KHDRBS2: variants seen among roughly 807,000 people sequenced by gnomAD.
KHDRBS2 encodes the protein KH domain-containing, RNA-binding, signal transduction-associated protein 2.
KHDRBS2 carries 26 observed loss-of-function variants against 44.3 expected under a neutral mutation model. That is an observed-to-expected ratio of 0.59 (90% CI 0.43 to 0.81). The LOEUF is 0.81. Ranked by LOEUF, KHDRBS2 falls within the 40% of genes least tolerant of loss-of-function variation. KHDRBS2 has a pLI of 0.00. For missense variants in KHDRBS2, 476 were observed against 433.1 expected, an observed-to-expected ratio of 1.10 and a Z score of -0.88; for synonymous variants, 194 against 151.1, an observed-to-expected ratio of 1.28 and a Z score of -2.08.
At chr6:61,655,927 C>T in the KHDRBS2 span, among the ~76,000 whole-genome samples, 2 of 151,938 alleles carry the variant, frequency 1.3e-5, no homozygotes, top group Non-Finnish European at 2.9e-5. Flanking sequence ...ACGCCATTGC[C>T]TCAAAGTATT....
At chr6:62,032,381 C>T (rs1784502872) in intron 3 of KHDRBS2, among the ~76,000 whole-genome samples, 1 of 151,948 alleles carries the variant, frequency 6.6e-6, no homozygotes. Context: ...TTCTCCCATG[C>T]TGGATGCTTC....
At position 62,114,696 on chromosome 6, in the gene KHDRBS2, C is replaced by T. The variant is rs147553347; in HGVS notation, c.219+62489G>A. 2.0e-3 allele frequency among the ~76,000 whole-genome samples: 303 copies of T among 151,306 alleles called. 5 individuals carry two copies. Among genetic ancestry groups the T allele is most frequent in the East Asian group, 0.014 (74 of 5,174 alleles). ...CCAAGTACTTTACATATACTAAATA[C>T]ATTAACATAGTAACAGTTATATTTT... is the stretch of plus-strand genomic sequence containing the variant. On this transcript the variant is annotated intron_variant, in intron 2 of 8. Transcript: ENST00000281156.
the KHDRBS2 span, among the ~76,000 whole-genome samples, chr6:61,641,669 A>G: frequency 6.6e-6 from 1 of 152,166 alleles, no homozygotes; most frequent in Non-Finnish European, 1.5e-5. Flanking sequence ...TCTCTGGTCA[A>G]CCATAAGCTC....
intron 6 of KHDRBS2, among the ~76,000 whole-genome samples, chr6:61,785,122 C>T (rs1783584521): frequency 6.6e-6 from 1 of 151,578 alleles, no homozygotes; most frequent in African/African-American, 2.4e-5. Context: ...TATACTCCAG[C>T]CTGGGCGAGA....
chr6:61,852,612 C>G (rs529780046), intron 6 of KHDRBS2, among the ~76,000 whole-genome samples: 3 of 151,782 alleles, frequency 2.0e-5, no homozygotes, highest in Non-Finnish European at 4.4e-5. Flanking sequence ...CTGCTAATAC[C>G]CACTGTGATT....
chr6:61,586,273 T>C, the KHDRBS2 span, among the ~76,000 whole-genome samples: 4 of 152,188 alleles, frequency 2.6e-5, no homozygotes, highest in Non-Finnish European at 5.9e-5. Context: ...AGCATGTGTC[T>C]CCCGATATGT....
intron 2 of KHDRBS2, among the ~76,000 whole-genome samples, chr6:62,083,131 G>T (rs186408608): frequency 6.6e-6 from 1 of 152,068 alleles, no homozygotes; most frequent in Admixed American, 6.6e-5. Flanking sequence ...GGCCTGCCCT[G>T]CCCCCGATTC....
At chr6:61,790,762 A>AT (rs1191255777) in intron 6 of KHDRBS2, among the ~76,000 whole-genome samples, 4 of 151,522 alleles carry the variant, frequency 2.6e-5, no homozygotes, top group African/African-American at 9.7e-5. Flanking sequence ...TTGACATCCA[A>AT]TTTATGTAGC....
the KHDRBS2 span, among the ~76,000 whole-genome samples, chr6:61,546,381 C>T: frequency 1.3e-5 from 2 of 152,034 alleles, no homozygotes; most frequent in Admixed American, 6.6e-5. Context: ...GCATTAGGCT[C>T]ACCTGAGATT....
intron 6 of KHDRBS2, among the ~76,000 whole-genome samples, chr6:61,785,805 A>C (rs1783720264): frequency 6.6e-6 from 1 of 152,172 alleles, no homozygotes; most frequent in African/African-American, 2.4e-5. Flanking sequence ...AAACAAAAGT[A>C]TATACATTTT....
At chr6:61,959,479 T>C (rs9351556) in intron 4 of KHDRBS2, among the ~76,000 whole-genome samples, 52,091 of 152,006 alleles carry the variant, frequency 0.34, 9,099 homozygotes, top group Middle Eastern at 0.41. Flanking sequence ...GAAATCTCTT[T>C]ACTTCCTGTC....
chr6:62,149,138 C>G (rs576995605), intron 2 of KHDRBS2, among the ~76,000 whole-genome samples: 1 of 152,118 alleles, frequency 6.6e-6, no homozygotes, highest in Non-Finnish European at 1.5e-5. Context: ...TAAACATAAA[C>G]GATTGAGACT....
chr6:61,605,780 C>A, the KHDRBS2 span, among the ~76,000 whole-genome samples: 1 of 152,100 alleles, frequency 6.6e-6, no homozygotes, highest in East Asian at 1.9e-4. Context: ...AACACTTTAC[C>A]ACTATTTCAT....
chr6:61,873,074 A>C (rs967522382), intron 6 of KHDRBS2, among the ~76,000 whole-genome samples: 1 of 152,242 alleles, frequency 6.6e-6, no homozygotes, highest in Admixed American at 6.5e-5. Context: ...TTAAAAAGAT[A>C]ACATAGGAGA....
intron 2 of KHDRBS2, among the ~76,000 whole-genome samples, chr6:62,115,370 T>C (rs1805975725): frequency 6.6e-6 from 1 of 152,140 alleles, no homozygotes; most frequent in African/African-American, 2.4e-5. Context: ...CTGCTGGATG[T>C]GTGTGCTACC....
At chr6:62,242,143 A>T (rs1834777879) in intron 1 of KHDRBS2, among the ~76,000 whole-genome samples, 1 of 152,196 alleles carries the variant, frequency 6.6e-6, no homozygotes, top group African/African-American at 2.4e-5. Flanking sequence ...AATCCAAGAG[A>T]AAGATCACTA....
At chr6:61,844,116 C>T (rs914738627) in intron 6 of KHDRBS2, among the ~76,000 whole-genome samples, 26 of 152,090 alleles carry the variant, frequency 1.7e-4, no homozygotes, top group African/African-American at 6.0e-4. Flanking sequence ...TAGAAGACTA[C>T]TGGAAATAAA....
At chr6:61,935,428 T>C (rs1368289604) in intron 4 of KHDRBS2, among the ~76,000 whole-genome samples, 1 of 152,174 alleles carries the variant, frequency 6.6e-6, no homozygotes, top group Non-Finnish European at 1.5e-5. Flanking sequence ...TCAGCATGAC[T>C]GGTGGTGAAA....
At chr6:62,012,976 G>C (rs1429865740) in intron 3 of KHDRBS2, among the ~76,000 whole-genome samples, 3 of 152,144 alleles carry the variant, frequency 2.0e-5, no homozygotes, top group African/African-American at 7.2e-5. Flanking sequence ...TGAACATATG[G>C]TGTTGTGGAA....
Sources: gnomAD v4.1 joint callset for allele counts (sites outside exome capture counted in the v4.1 genomes callset) on GRCh38, gnomAD v4.1.1 for gene constraint, MANE v1.5 for transcripts, NCBI Gene and HGNC (gene_info 2026-07-23, HGNC 2026-07-21) for gene names.